HS3ST3B1: variants seen among roughly 807,000 people sequenced by gnomAD.
HS3ST3B1 encodes heparan sulfate-glucosamine 3-sulfotransferase 3B1.
A neutral mutation model predicts 21.3 loss-of-function variants in HS3ST3B1; 13 were observed. The ratio of observed to expected loss-of-function variants is 0.61; its 90% confidence interval spans 0.40 to 0.97. HS3ST3B1 has a LOEUF of 0.97. Among genes scored for constraint, HS3ST3B1 ranks in the 50% least tolerant of loss-of-function variants. The pLI is 0.00. For synonymous variants in HS3ST3B1, 234 were observed against 254.8 expected, an observed-to-expected ratio of 0.92 and a Z score of 0.78; for missense variants, 459 against 554.8, an observed-to-expected ratio of 0.83 and a Z score of 1.73.
intron 1 of HS3ST3B1, among the ~76,000 whole-genome samples, chr17:14,313,124 G>GTGTGTATATACATATATATATA (rs1567637231): frequency 1.6e-5 from 2 of 128,798 alleles, no homozygotes; most frequent in Non-Finnish European, 3.1e-5. Context: ...ATATATATAT[G>GTGTGTATATACATATATATATA]TGTGTGTGTG....
intron 1 of HS3ST3B1, among the ~76,000 whole-genome samples, chr17:14,309,521 G>A (rs1041797144): frequency 1.3e-5 from 2 of 152,158 alleles, no homozygotes; most frequent in African/African-American, 4.8e-5. Flanking sequence ...CCGCCTGAGA[G>A]GAGAACCCCG....
Position 14,301,542 on chromosome 17 carries a change from C to T in HS3ST3B1, c.24C>T (p.Gly8=). Residue 8 remains glycine, a synonymous_variant, in exon 1 of 2, where the codon GGC becomes GGT. Transcript: ENST00000360954. MGQRLSG[G]RSCLDVPGRL... ...GCATGGGGCAGCGCCTGAGTGGCGG[C>T]AGATCTTGCCTCGATGTCCCCGGCC... 2 of 1,577,464 alleles carry T rather than the reference C, an allele frequency of 1.3e-6. No individual in the cohort carries two copies. The highest frequency in any genetic ancestry group is 2.3e-5 in the East Asian group (1 of 43,846).
intron 1 of HS3ST3B1, among the ~76,000 whole-genome samples, chr17:14,310,477 T>C (rs963491753): frequency 6.6e-6 from 1 of 152,212 alleles, no homozygotes; most frequent in African/African-American, 2.4e-5. Flanking sequence ...GCAACCTTTT[T>C]CCTCGCGTTT....
chr17:14,343,796 G>T (rs1208542731), intron 1 of HS3ST3B1, among the ~76,000 whole-genome samples: 3 of 152,030 alleles, frequency 2.0e-5, no homozygotes, highest in Admixed American at 6.6e-5. Context: ...ATTATAAAAT[G>T]AATAGGAAAA....
chr17:14,308,231 G>T (rs1300856104), intron 1 of HS3ST3B1, among the ~76,000 whole-genome samples: 2 of 152,154 alleles, frequency 1.3e-5, no homozygotes, highest in Non-Finnish European at 2.9e-5. Flanking sequence ...TTTAAGACGT[G>T]AGAAGCAATT....
intron 1 of HS3ST3B1, among the ~76,000 whole-genome samples, chr17:14,320,598 G>A (rs1909630685): frequency 6.6e-6 from 1 of 152,066 alleles, no homozygotes; most frequent in African/African-American, 2.4e-5. Context: ...GTCAGATGCT[G>A]TTGAATAGTA....
chr17:14,312,273 G>A (rs1909330212), intron 1 of HS3ST3B1, among the ~76,000 whole-genome samples: 1 of 152,096 alleles, frequency 6.6e-6, no homozygotes, highest in Non-Finnish European at 1.5e-5. Context: ...TGTATCTGTA[G>A]GTGGCTCTAC....
intron 1 of HS3ST3B1, among the ~76,000 whole-genome samples, chr17:14,310,321 T>C (rs986234596): frequency 6.6e-6 from 1 of 152,114 alleles, no homozygotes; most frequent in Middle Eastern, 3.2e-3. Context: ...CAGAGCCCTG[T>C]AGCCGCCCCT....
intron 1 of HS3ST3B1, among the ~76,000 whole-genome samples, chr17:14,340,222 G>A (rs1266012386): frequency 6.6e-6 from 1 of 152,076 alleles, no homozygotes; most frequent in Non-Finnish European, 1.5e-5. Flanking sequence ...TCTTAGCAAA[G>A]GCCCCTGATA....
chr17:14,321,493 G>A (rs867277760), intron 1 of HS3ST3B1, among the ~76,000 whole-genome samples: 3 of 152,268 alleles, frequency 2.0e-5, no homozygotes, highest in African/African-American at 7.2e-5. Context: ...TTATTTAAAG[G>A]GAAGAAGGAG....
intron 1 of HS3ST3B1, among the ~76,000 whole-genome samples, chr17:14,341,199 G>A (rs1336519087): frequency 6.6e-6 from 1 of 152,158 alleles, no homozygotes; most frequent in Non-Finnish European, 1.5e-5. Context: ...ATTCTGTTCA[G>A]CTACTGACAA....
intron 1 of HS3ST3B1, among the ~76,000 whole-genome samples, chr17:14,343,039 T>C (rs1325013364): frequency 9.9e-5 from 15 of 152,010 alleles, no homozygotes; most frequent in Non-Finnish European, 1.3e-4. Context: ...GTCAGGAGAT[T>C]GAGACCATCC....
At chr17:14,311,843 C>G (rs1945377589) in intron 1 of HS3ST3B1, among the ~76,000 whole-genome samples, 1 of 152,094 alleles carries the variant, frequency 6.6e-6, no homozygotes, top group Non-Finnish European at 1.5e-5. Flanking sequence ...TGCAGGGCCT[C>G]CTCTTCCTTG....
chr17:14,305,229 G>A (rs1909094304), intron 1 of HS3ST3B1: 1 of 152,252 alleles, frequency 6.6e-6, no homozygotes, highest in Admixed American at 6.5e-5. Flanking sequence ...GACTCTTCTG[G>A]GTTGACTTTT....
Position 14,303,509 on chromosome 17 carries a change from C to A in HS3ST3B1, c.554+1437C>A, listed in dbSNP as rs769916961. Among the ~76,000 whole-genome samples, 10 of 152,176 alleles carry A rather than the reference C, an allele frequency of 6.6e-5. No homozygotes were observed. Among genetic ancestry groups the A allele is most frequent in the Non-Finnish European group, 1.2e-4 (8 of 68,030 alleles). On this transcript the variant is annotated intron_variant, in intron 1 of 1. Coordinates refer to ENST00000360954, the MANE Select transcript of HS3ST3B1 (RefSeq NM_006041.3). The surrounding 1 kb of genome is among the most constrained non-coding windows in gnomAD (Gnocchi z 5.7). ...CTTTCCCACCGTTCCCGGGCTGTGA[C>A]CCATTCTCGGGACACTGGTGGATAA...
At chr17:14,308,124 A>G (rs1342589770) in intron 1 of HS3ST3B1, among the ~76,000 whole-genome samples, 1 of 152,258 alleles carries the variant, frequency 6.6e-6, no homozygotes, top group East Asian at 1.9e-4. Flanking sequence ...GGTTTCTCTC[A>G]AACTATGCCA....
At position 14,301,738 on chromosome 17, in the gene HS3ST3B1, C is replaced by T. The variant is rs746822061; in HGVS notation, c.220C>T (p.Pro74Ser). Residue 74 changes from proline (P) to serine (S), a missense_variant, in exon 1 of 2, where the codon CCG becomes TCG. Physicochemically the swap from Pro to Ser is moderately conservative, Grantham distance 74. Coordinates refer to ENST00000360954, the MANE Select transcript of HS3ST3B1 (RefSeq NM_006041.3). ...LGSGSRAAHD[P>S]PALATAPDGT... ...CTCTGGGTCCCGCGCCGCACACGAC[C>T]CGCCAGCCCTGGCCACAGCTCCGGA... is the stretch of plus-strand genomic sequence containing the variant. 1.9e-6 allele frequency: 3 copies of T among 1,597,798 alleles called. No homozygotes were observed. The highest frequency in any genetic ancestry group is 1.7e-6 in the Non-Finnish European group (2 of 1,173,976).
chr17:14,310,563 G>A lies in HS3ST3B1; in HGVS notation c.554+8491G>A, dbSNP rs11870163. On this transcript the variant is annotated intron_variant, in intron 1 of 1. Coordinates refer to ENST00000360954, the MANE Select transcript of HS3ST3B1 (RefSeq NM_006041.3). ...CATCGTTGCATGAGATGTTGAAGAA[G>A]TACAAGATTTCGTTCTTCCTTCCAT... is the stretch of plus-strand genomic sequence containing the variant. 9.6e-4 allele frequency among the ~76,000 whole-genome samples: 146 copies of A among 152,196 alleles called. 1 individual carries two copies. The highest frequency in any genetic ancestry group is 3.1e-3 in the African/African-American group (128 of 41,536).
chr17:14,333,157 T>C (rs1375754626), intron 1 of HS3ST3B1, among the ~76,000 whole-genome samples: 1 of 151,998 alleles, frequency 6.6e-6, no homozygotes, highest in East Asian at 1.9e-4. Context: ...AGAGCCATAG[T>C]AGTCAAAGCG....
Sources: allele counts gnomAD v4.1 joint callset (sites outside exome capture counted in the v4.1 genomes callset), GRCh38; gene constraint gnomAD v4.1.1; non-coding constraint Gnocchi (gnomAD v3.1); transcripts MANE v1.5; gene names NCBI Gene and HGNC (gene_info 2026-07-23, HGNC 2026-07-21).